The following ESAM variants were observed in gnomAD, a reference collection of about 807,000 sequenced individuals.
The protein encoded by ESAM is endothelial cell adhesion molecule.
In ESAM, 23 loss-of-function variants were observed where a neutral mutation model predicts 31.8. The observed-to-expected ratio is 0.72, with a 90% CI of 0.52 to 1.03. The LOEUF (loss-of-function observed/expected upper bound fraction) is 1.03. ESAM is among the 50% of genes least tolerant of loss of function. The pLI, the probability that ESAM is intolerant of heterozygous loss-of-function variation, is 0.00. For synonymous variants in ESAM, 216 were observed against 207.2 expected (o/e 1.04, Z -0.37); for missense variants, 478 against 488.9 (o/e 0.98, Z 0.21).
In ESAM at chr11:124,759,946, C is replaced by G. The variant is rs557666103; in HGVS notation, c.71-1419G>C. ...GCCTGGAGCCTGCAGGTGCTGCCGG[C>G]TCTCCCCCAGCCTTTCTACGACACA... On this transcript the variant is annotated intron_variant, in intron 1 of 6. Transcript: ENST00000278927. This position sits in a 1 kb window ranked among gnomAD's most constrained non-coding sequence, Gnocchi z 6.8. 1.0e-3 allele frequency among the ~76,000 whole-genome samples: 159 copies of G among 152,354 alleles called. 1 individual carries two copies. The highest frequency in any genetic ancestry group is 3.4e-3 in the Middle Eastern group (1 of 294).
rs547305575 is a variant in ESAM, at chr11:124,761,820, G to A, written c.70+265C>T. Among the ~76,000 whole-genome samples the A allele has an allele frequency of 5.9e-5, 9 of 152,068 alleles. No homozygotes were observed. In the East Asian group the frequency reaches 1.2e-3, roughly 20 times the overall value. On this transcript the variant is annotated intron_variant, in intron 1 of 6. Transcript: ENST00000278927. ...AGTGGACAGGGTGAGGAATGGTTCC[G>A]ATAACTCACCCCAGAGGTATCCAGG...
intron 2 of ESAM, among the ~76,000 whole-genome samples, 159 bp downstream of exon 2, chr11:124,758,190 T>C (rs1944178857): frequency 6.6e-6 from 1 of 152,158 alleles, no homozygotes; most frequent in African/African-American, 2.4e-5. Flanking sequence ...AAGTCTCCAA[T>C]ATCAGAACAA....
At position 124,753,611 on chromosome 11, in the gene ESAM, A is replaced by AC. The variant is rs1237281681; in HGVS notation, c.*34dup. The AC allele has an allele frequency of 4.3e-6, 7 of 1,610,962 alleles. No homozygotes were observed. Among genetic ancestry groups the AC allele is most frequent in the African/African-American group, 1.3e-5 (1 of 74,884 alleles). The stretch of plus-strand genomic sequence containing the variant: ...GAGGTGACCCTTATAGGAAGGAGAG[A>AC]CCCCAAATCCTTTAGCCAATGAGTG... On this transcript the variant is annotated 3_prime_UTR_variant, in exon 7 of 7. Coordinates refer to ENST00000278927, the MANE Select transcript of ESAM (RefSeq NM_138961.3).
At chr11:124,761,457 G>C (rs1228729918) in intron 1 of ESAM, among the ~76,000 whole-genome samples, 2 of 151,174 alleles carry the variant, frequency 1.3e-5, no homozygotes, top group African/African-American at 2.5e-5. Context: ...GTGGGCCTTG[G>C]GGGGGTGGGG....
intron 2 of ESAM, chr11:124,756,966 T>C: frequency 1.8e-6 from 1 of 563,878 alleles, no homozygotes; most frequent in African/African-American, 1.9e-5. Context: ...CATTGTCTCA[T>C]CTCCCAATTG....
chr11:124,756,956 C>T (rs1009611451), intron 2 of ESAM: 17 of 577,104 alleles, frequency 2.9e-5, no homozygotes, highest in Non-Finnish European at 4.0e-5. Flanking sequence ...CGTTCCTGCG[C>T]ATTGTCTCAT....
At position 124,758,436 on chromosome 11, in the gene ESAM, G is replaced by A; in HGVS notation, c.162C>T (p.Tyr54=). The stretch of plus-strand genomic sequence containing the variant: ...ATGAAGACACCTCCCCGTGCAAGGT[G>A]TACCACGCTGGAAGCACCACTTCCC... ...EGGEVVLPAW[Y]TLHGEVSSSQ... Residue 54 remains tyrosine (Y), a synonymous_variant, in exon 2 of 7, where the codon TAC becomes TAT. Coordinates refer to ENST00000278927, the MANE Select transcript of ESAM (RefSeq NM_138961.3). The A allele has an allele frequency of 6.2e-7, 1 of 1,614,042 alleles. No homozygotes were observed. The highest frequency in any genetic ancestry group is 8.5e-7 in the Non-Finnish European group (1 of 1,179,992).
intron 4 of ESAM, among the ~76,000 whole-genome samples, chr11:124,755,644 A>G (rs571994015): frequency 6.6e-6 from 1 of 151,804 alleles, no homozygotes; most frequent in African/African-American, 2.4e-5. Flanking sequence ...ACAGTTGCTA[A>G]CTTTTTGCCA....
Position 124,754,248 on chromosome 11 carries a change from C to A in ESAM, c.823G>T (p.Gly275Cys). The A allele has an allele frequency of 6.2e-7, 1 of 1,614,018 alleles. No homozygotes were observed. The highest frequency in any genetic ancestry group is 8.5e-7 in the Non-Finnish European group (1 of 1,179,982). ...TTGGCTGGCTCCTCCAGGGCCTTGC[C>A]CCGGCGGTGGTACAAGAGGACCAGC... is the stretch of plus-strand genomic sequence containing the variant. Reference protein sequence around the residue: ...AGLVLLYHRRGKALEEPANDI... With the variant: ...AGLVLLYHRRCKALEEPANDI... Residue 275 changes from glycine to cysteine, a missense_variant, in exon 6 of 7, where the codon GGC becomes TGC. Gly to Cys is a radical substitution (Grantham distance 159, BLOSUM62 -3). Transcript: ENST00000278927. This position sits in a 1 kb window ranked among gnomAD's most constrained non-coding sequence, Gnocchi z 4.5.
At position 124,754,200 on chromosome 11, in the gene ESAM, C is replaced by T. The variant is rs776477819; in HGVS notation, c.857+14G>A. The T allele has an allele frequency of 1.2e-6, 2 of 1,612,916 alleles. No homozygotes were observed. The highest frequency in any genetic ancestry group is 2.2e-5 in the East Asian group (1 of 44,872). The stretch of plus-strand genomic sequence containing the variant: ...GGGAGAGCCCCCGCTGCAGCAGACA[C>T]CAGGGACACTTACTTGATATCATTG... On this transcript the variant is annotated intron_variant, in intron 6 of 6. Transcript: ENST00000278927. This position sits in a 1 kb window ranked among gnomAD's most constrained non-coding sequence, Gnocchi z 4.5.
rs747026271 is a variant in ESAM, at chr11:124,754,789, C to G, written c.608-26G>C. On this transcript the variant is annotated intron_variant, in intron 4 of 6. Coordinates refer to ENST00000278927, the MANE Select transcript of ESAM (RefSeq NM_138961.3). The surrounding 1 kb of genome is among the most constrained non-coding windows in gnomAD (Gnocchi z 4.5). Reference sequence around the variant, plus strand: ...CTGTGGACACAATTTAGCCATCAGTCCAGGGACCCTCTTTCCCATTAAAAA... The same window carrying G: ...CTGTGGACACAATTTAGCCATCAGTGCAGGGACCCTCTTTCCCATTAAAAA... 6.4e-7 allele frequency: 1 copy of G among 1,570,870 alleles called. No individual in the cohort carries two copies. Among genetic ancestry groups the G allele is most frequent in the Non-Finnish European group, 8.6e-7 (1 of 1,164,272 alleles).
intron 1 of ESAM, 125 bp from the exon 2 acceptor site, chr11:124,758,652 G>C (rs1283679974): frequency 6.6e-6 from 8 of 1,220,328 alleles, no homozygotes; most frequent in Non-Finnish European, 7.7e-6. Flanking sequence ...AACCTTGCGG[G>C]GTCCGGCCCC....
Position 124,754,534 on chromosome 11 carries a change from C to G in ESAM, c.730+107G>C. On this transcript the variant is annotated intron_variant, in intron 5 of 6. Coordinates refer to ENST00000278927, the MANE Select transcript of ESAM (RefSeq NM_138961.3). The surrounding 1 kb of genome is among the most constrained non-coding windows in gnomAD (Gnocchi z 4.5). ...TACAAACATTTGATCAGGGGAAGCT[C>G]CGTGCCCTGCTACAGAGACAGGCCT... The G allele has an allele frequency of 6.6e-7, 1 of 1,525,852 alleles. No individual in the cohort carries two copies. Among genetic ancestry groups the G allele is most frequent in the Non-Finnish European group, 8.8e-7 (1 of 1,133,822 alleles). 94.5% of individuals were successfully genotyped at this position (1,525,852 alleles called of 1,614,324 possible). A position where few individuals can be genotyped will look rare whatever the true frequency, so the allele number is the denominator to read the frequency against.
Position 124,756,583 on chromosome 11 carries a change from A to T in ESAM, c.409T>A (p.Ser137Thr). 1 of 1,613,862 alleles carries T rather than the reference A, an allele frequency of 6.2e-7. No homozygotes were observed. Among genetic ancestry groups the T allele is most frequent in the Non-Finnish European group, 8.5e-7 (1 of 1,179,952 alleles). ...SVNVQDKQGKSRGHSIKTLEL... is the reference protein window; with the variant it reads ...SVNVQDKQGKTRGHSIKTLEL... ...AAGGTTTTGATGCTGTGGCCCCTAG[A>T]TTTGCCTTGTTTGTCTTGCACATTC... Residue 137 changes from serine to threonine, a missense_variant, in exon 3 of 7, where the codon TCT becomes ACT. Physicochemically the swap from Ser to Thr is moderately conservative, Grantham distance 58. Coordinates refer to ENST00000278927, the MANE Select transcript of ESAM (RefSeq NM_138961.3).
chr11:124,758,342 C>T lies in ESAM; in HGVS notation c.249+7G>A. The T allele has an allele frequency of 1.2e-6, 2 of 1,614,062 alleles. No homozygotes were observed. Among genetic ancestry groups the T allele is most frequent in the East Asian group, 2.2e-5 (1 of 44,868 alleles). ...TTGCCGCTGGCTGACAGGCGTTCTTCCCTCACCTGATCCTCCTTTTCTTTC... is the reference window on the plus strand; with the variant it reads ...TTGCCGCTGGCTGACAGGCGTTCTTTCCTCACCTGATCCTCCTTTTCTTTC... On this transcript the variant is annotated splice_region_variant and intron_variant, in intron 2 of 6. Transcript: ENST00000278927.
In ESAM at chr11:124,759,231, G is replaced by A. The variant is rs903066045; in HGVS notation, c.71-704C>T. On this transcript the variant is annotated intron_variant, in intron 1 of 6. Transcript: ENST00000278927. The surrounding 1 kb of genome is among the most constrained non-coding windows in gnomAD (Gnocchi z 6.8). Reference sequence around the variant, plus strand: ...CGATCTGGGCAGAGAACTCTCGGGTGGCAAGGAATTAAGGGCAGCGCGAAC... The same window carrying A: ...CGATCTGGGCAGAGAACTCTCGGGTAGCAAGGAATTAAGGGCAGCGCGAAC... The A allele has an allele frequency of 6.6e-6, 1 of 152,278 alleles. No individual in the cohort carries two copies. Among genetic ancestry groups the A allele is most frequent in the Admixed American group, 6.5e-5 (1 of 15,288 alleles). The allele number at this position is 152,278 out of a possible 1,614,324, so 9.4% of individuals were successfully genotyped here. A position where few individuals can be genotyped will look rare whatever the true frequency, so the allele number is the denominator to read the frequency against.
chr11:124,756,084 A>G (rs1444391122), intron 4 of ESAM, 123 bp downstream of exon 4: 8 of 1,348,002 alleles, frequency 5.9e-6, no homozygotes, highest in African/African-American at 1.4e-5. Context: ...TCCTCCCCAC[A>G]TCCTCCTCCT....
At chr11:124,760,113 TAAAAG>T (rs1419137253) in intron 1 of ESAM, among the ~76,000 whole-genome samples, 1 of 152,122 alleles carries the variant, frequency 6.6e-6, no homozygotes, top group African/African-American at 2.4e-5. Context: ...AGAGGAGAGT[TAAAAG>T]AGATAGTAAC....
Position 124,754,830 on chromosome 11 carries a change from T to G in ESAM, c.608-67A>C. 1 of 1,441,156 alleles carries G rather than the reference T, an allele frequency of 6.9e-7. No individual in the cohort carries two copies. The allele number at this position is 1,441,156 out of a possible 1,614,324, so 89.3% of individuals were successfully genotyped here. On this transcript the variant is annotated intron_variant, in intron 4 of 6. Transcript: ENST00000278927. The surrounding 1 kb of genome is among the most constrained non-coding windows in gnomAD (Gnocchi z 4.5). ...CCATTAAAAAAAAAAAAAAATCTTG[T>G]CCCTCCTCTGGAATGTCCCCTTTGA...
Sources: allele counts gnomAD v4.1 joint callset (sites outside exome capture counted in the v4.1 genomes callset), GRCh38; gene constraint gnomAD v4.1.1; non-coding constraint Gnocchi (gnomAD v3.1); transcripts MANE v1.5; gene names NCBI Gene and HGNC (gene_info 2026-07-23, HGNC 2026-07-21).